OR51A7: variants seen among roughly 807,000 people sequenced by gnomAD.
OR51A7 encodes olfactory receptor 51A7.
For synonymous variants in OR51A7, 143 were observed against 135.5 expected (o/e 1.05, Z -0.38); for missense variants, 409 against 374.5 (o/e 1.09, Z -0.76).
rs1293497108 is a variant in OR51A7, at chr11:4,908,380, A to G, written c.*72A>G. ...TGTCATTTGCTATGTGCTTAATGCC[A>G]TAGAAGTCACTAATGAAGGACTGGA... On this transcript the variant is annotated 3_prime_UTR_variant, in exon 2 of 2. Transcript: ENST00000641490. The G allele has an allele frequency of 2.4e-6, 3 of 1,271,756 alleles. No individual in the cohort carries two copies. The highest frequency in any genetic ancestry group is 2.3e-5 in the East Asian group (1 of 42,728). The allele number at this position is 1,271,756 out of a possible 1,614,324, so 78.8% of individuals were successfully genotyped here.
Position 4,907,426 on chromosome 11 carries a change from A to T in OR51A7, c.57A>T (p.Gly19=). 6.2e-7 allele frequency: 1 copy of T among 1,613,886 alleles called. No individual in the cohort carries two copies. Among genetic ancestry groups the T allele is most frequent in the Non-Finnish European group, 8.5e-7 (1 of 1,179,970 alleles). Reference sequence around the variant, plus strand: ...TTTTCCTTCTGATTGGGATCCCAGGACTGGAACATGCCCACATTTGGTTCT... The same window carrying T: ...TTTTCCTTCTGATTGGGATCCCAGGTCTGGAACATGCCCACATTTGGTTCT... ...VKLFLLIGIP[G]LEHAHIWFSI... The change falls in exon 2 of 2, where the codon GGA becomes GGT. Residue 19 remains glycine, a synonymous_variant. Coordinates refer to ENST00000641490, the MANE Select transcript of OR51A7 (RefSeq NM_001004749.2).
At position 4,908,609 on chromosome 11, in the gene OR51A7, A is replaced by C; in HGVS notation, c.*301A>C. 2 of 427,244 alleles carry C rather than the reference A, an allele frequency of 4.7e-6. No individual in the cohort carries two copies. Among genetic ancestry groups the C allele is most frequent in the Admixed American group, 3.7e-5 (1 of 27,024 alleles). The allele number at this position is 427,244 out of a possible 1,614,324, so 26.5% of individuals were successfully genotyped here. A position where few individuals can be genotyped will look rare whatever the true frequency, so the allele number is the denominator to read the frequency against. On this transcript the variant is annotated 3_prime_UTR_variant, in exon 2 of 2. Coordinates refer to ENST00000641490, the MANE Select transcript of OR51A7 (RefSeq NM_001004749.2). ...GAATGAATACAATTTGGGCAGATTG[A>C]GATTACCATTCAGTTAGTATCTATT...
rs1048417976 is a variant in OR51A7 at position 4,907,060 on chromosome 11, C to T, written c.-31-279C>T. On this transcript the variant is annotated intron_variant, in intron 1 of 1. Transcript: ENST00000641490. ...GCAGCAAGCTGAGATCGCACCATTG[C>T]ACTCCAGCCTGGGCAACAAGAGCAA... 3.4e-5 allele frequency among the ~76,000 whole-genome samples: 4 copies of T among 118,710 alleles called. No individual in the cohort carries two copies. The East Asian group carries it at 1.3e-3, about 38-fold the overall frequency. 77.9% of individuals were successfully genotyped at this position (118,710 alleles called of 152,430 possible). A position where few individuals can be genotyped will look rare whatever the true frequency, so the allele number is the denominator to read the frequency against.
intron 1 of OR51A7, among the ~76,000 whole-genome samples, chr11:4,907,095 T>TAAAAAAAAAAAAAAAAAAAAA (rs3065178): frequency 1.3e-3 from 74 of 55,096 alleles, no homozygotes; most frequent in African/African-American, 4.9e-3. Context: ...AAACTCCCTC[T>TAAAAAAAAAAAAAAAAAAAAA]AAAAAAAAAA....
chr11:4,906,339 A>C (rs572058420), intron 1 of OR51A7, among the ~76,000 whole-genome samples: 1 of 152,240 alleles, frequency 6.6e-6, no homozygotes, highest in Non-Finnish European at 1.5e-5. Flanking sequence ...ATAAATAACT[A>C]TAAATATCAA....
chr11:4,904,676 C>G (rs1014615879), intron 1 of OR51A7, among the ~76,000 whole-genome samples: 2 of 152,092 alleles, frequency 1.3e-5, no homozygotes, highest in Admixed American at 6.6e-5. Flanking sequence ...CATCCAAATG[C>G]ATGCTCTGTG....
At chr11:4,907,307 AG>A (rs1850910607) in intron 1 of OR51A7, 31 bp from the exon 2 acceptor site, 1 of 1,179,564 alleles carries the variant, frequency 8.5e-7, no homozygotes, top group East Asian at 2.4e-5. Flanking sequence ...TTTAACCAAA[AG>A]CATGACTGCT....
intron 1 of OR51A7, among the ~76,000 whole-genome samples, chr11:4,904,140 A>C (rs1355754818): frequency 6.6e-6 from 1 of 152,100 alleles, no homozygotes; most frequent in Admixed American, 6.6e-5. Flanking sequence ...GTAGTTATTC[A>C]TCTCTGCTAT....
rs1850940047 is a variant in OR51A7 at position 4,908,422 on chromosome 11, C to T, written c.*114C>T. ...AGGACTGGATGATGGAAGTGAAAAG[C>T]TATGTAGTGCAGAATTTATAATAAA... is the stretch of plus-strand genomic sequence containing the variant. On this transcript the variant is annotated 3_prime_UTR_variant, in exon 2 of 2. Transcript: ENST00000641490. The T allele has an allele frequency of 3.5e-6, 3 of 854,398 alleles. No individual in the cohort carries two copies. The highest frequency in any genetic ancestry group is 5.8e-6 in the Non-Finnish European group (3 of 519,408). The allele number at this position is 854,398 out of a possible 1,614,324, so 52.9% of individuals were successfully genotyped here.
Position 4,908,145 on chromosome 11 carries a change from C to T in OR51A7, c.776C>T (p.Ala259Val). 1.9e-6 allele frequency: 3 copies of T among 1,614,164 alleles called. No individual in the cohort carries two copies. The highest frequency in any genetic ancestry group is 1.1e-5 in the South Asian group (1 of 91,072). ...TFYVPIITLA[A>V]MHHFAKHKSP... is the part of the protein sequence containing the mutation. ...TATGTGCCCATCATCACCCTGGCTG[C>T]CATGCATCACTTTGCCAAGCACAAA... The change falls in exon 2 of 2, where the codon GCC becomes GTC. Residue 259 changes from alanine to valine, a missense_variant. By Grantham distance (64) the Ala-to-Val change is moderately conservative. Transcript: ENST00000641490.
chr11:4,904,323 T>G (rs904333031), intron 1 of OR51A7, among the ~76,000 whole-genome samples: 40 of 152,106 alleles, frequency 2.6e-4, no homozygotes, highest in African/African-American at 9.4e-4. Context: ...GTTTGTGCGT[T>G]AGCTTGAGAA....
chr11:4,907,612 G>A lies in OR51A7; in HGVS notation c.243G>A (p.Met81Ile), dbSNP rs141919327. Residue 81 changes from methionine (M) to isoleucine (I), a missense_variant, in exon 2 of 2, where the codon ATG becomes ATA. Physicochemically the swap from Met to Ile is conservative, Grantham distance 10. Coordinates refer to ENST00000641490, the MANE Select transcript of OR51A7 (RefSeq NM_001004749.2). ...TGTCCCTCTCCTCCCTTCCTACCAT[G>A]TTGAGGGTCTTCTTGTTCAATGCCA... is the stretch of plus-strand genomic sequence containing the variant. Reference protein sequence around the residue: ...MGLSLSSLPTMLRVFLFNAMG... With the variant: ...MGLSLSSLPTILRVFLFNAMG... 4 of 1,613,840 alleles carry A rather than the reference G, an allele frequency of 2.5e-6. No homozygotes were observed. In the African/African-American group the frequency reaches 5.3e-5, roughly 22 times the overall value.
At chr11:4,906,882 G>A (rs1290755169) in intron 1 of OR51A7, among the ~76,000 whole-genome samples, 1 of 152,046 alleles carries the variant, frequency 6.6e-6, no homozygotes, top group South Asian at 2.1e-4. Context: ...CCTGTGTCAG[G>A]AGTTCAAGAC....
chr11:4,905,199 A>G (rs1050471652), intron 1 of OR51A7, among the ~76,000 whole-genome samples: 35 of 152,114 alleles, frequency 2.3e-4, no homozygotes, highest in African/African-American at 7.5e-4. Context: ...AATGCTTTTA[A>G]TGACATCTCA....
chr11:4,906,023 A>G (rs780095632), intron 1 of OR51A7, among the ~76,000 whole-genome samples: 1 of 152,136 alleles, frequency 6.6e-6, no homozygotes, highest in African/African-American at 2.4e-5. Context: ...AAATACAGAG[A>G]TATAAGATTA....
rs750775371 is a variant in OR51A7 at position 4,907,968 on chromosome 11, TCTTC to T, written c.600_603del (p.Phe200LeufsTer12). 4 of 1,614,164 alleles carry T rather than the reference TCTTC, an allele frequency of 2.5e-6. No individual in the cohort carries two copies. In the East Asian group the frequency reaches 8.9e-5, roughly 36 times the overall value. On this transcript the variant is annotated frameshift_variant, in exon 2 of 2. Transcript: ENST00000641490. LOFTEE classifies it low-confidence loss of function (END_TRUNC). Reference sequence around the variant, plus strand: ...AACAAGACCAATGTCATCTATGGCTTCTTCATTGCTCTCTGTACTATGCTGGACT... The same window carrying T: ...AACAAGACCAATGTCATCTATGGCTTATTGCTCTCTGTACTATGCTGGACT...
chr11:4,908,417 A>C lies in OR51A7; in HGVS notation c.*109A>C, dbSNP rs983419986. On this transcript the variant is annotated 3_prime_UTR_variant, in exon 2 of 2. Transcript: ENST00000641490. ...AATGAAGGACTGGATGATGGAAGTG[A>C]AAAGCTATGTAGTGCAGAATTTATA... The C allele has an allele frequency of 3.3e-6, 3 of 920,796 alleles. 1 individual carries two copies. The highest frequency in any genetic ancestry group is 1.9e-5 in the Admixed American group (1 of 52,008). The allele number at this position is 920,796 out of a possible 1,614,324, so 57.0% of individuals were successfully genotyped here. A position where few individuals can be genotyped will look rare whatever the true frequency, so the allele number is the denominator to read the frequency against.
In OR51A7 at chr11:4,907,667, C is replaced by T. The variant is rs1164697997; in HGVS notation, c.298C>T (p.Gln100Ter). The T allele has an allele frequency of 1.9e-6, 3 of 1,613,966 alleles. No individual in the cohort carries two copies. Among genetic ancestry groups the T allele is most frequent in the Non-Finnish European group, 2.5e-6 (3 of 1,180,022 alleles). ...MGISPNACFA[Q>*]EFFIHGFTVM... ...AATTTCACCTAATGCCTGCTTTGCT[C>T]AAGAATTCTTCATTCATGGATTCAC... Residue 100 changes from glutamine (Q) to a stop codon, truncating the protein, a stop_gained, in exon 2 of 2, where the codon CAA (glutamine) becomes TAA (stop). Transcript: ENST00000641490. LOFTEE classifies it low-confidence loss of function (END_TRUNC).
In OR51A7 at chr11:4,908,722, A is replaced by G. The variant is rs1255854335; in HGVS notation, c.*414A>G. ...AAGGATGCTGATCTGATTACAATAGAAAGTGAAATTTAACAGATAGCAAGT... is the reference window on the plus strand; with the variant it reads ...AAGGATGCTGATCTGATTACAATAGGAAGTGAAATTTAACAGATAGCAAGT... On this transcript the variant is annotated 3_prime_UTR_variant, in exon 2 of 2. Transcript: ENST00000641490. The G allele has an allele frequency of 5.7e-6, 1 of 174,702 alleles. No homozygotes were observed. Among genetic ancestry groups the G allele is most frequent in the Non-Finnish European group, 1.2e-5 (1 of 81,152 alleles). 10.8% of individuals were successfully genotyped at this position (174,702 alleles called of 1,614,324 possible).
Sources: allele counts gnomAD v4.1 joint callset (sites outside exome capture counted in the v4.1 genomes callset), GRCh38; gene constraint gnomAD v4.1.1; transcripts MANE v1.5; gene names NCBI Gene and HGNC (gene_info 2026-07-23, HGNC 2026-07-21).